The following NXPH1 variants were observed in gnomAD, a reference collection of about 807,000 sequenced individuals.
NXPH1 encodes the protein neurexophilin-1.
Under a neutral mutation model 23.7 loss-of-function variants are expected in NXPH1, and 5 were observed. The ratio of observed to expected loss-of-function variants is 0.21; its 90% CI spans 0.11 to 0.44. NXPH1 has a LOEUF of 0.44. Ranked by LOEUF, NXPH1 falls within the 20% of genes least tolerant of loss-of-function variation. The pLI, the probability that NXPH1 is intolerant of heterozygous loss-of-function variation, is 0.99. For synonymous variants in NXPH1, 144 were observed against 122.2 expected, an observed-to-expected ratio of 1.18 and a Z score of -1.18; for missense variants, 324 against 321.6, an observed-to-expected ratio of 1.01 and a Z score of -0.06.
At chr7:8,629,309 G>A (rs1374952545) in intron 2 of NXPH1, among the ~76,000 whole-genome samples, 1 of 152,100 alleles carries the variant, frequency 6.6e-6, no homozygotes, top group Non-Finnish European at 1.5e-5. Context: ...AATTATGGTG[G>A]ATGGACATTG....
chr7:8,543,967 A>G (rs922916054), intron 2 of NXPH1, among the ~76,000 whole-genome samples: 3 of 151,556 alleles, frequency 2.0e-5, no homozygotes, highest in African/African-American at 7.3e-5. Context: ...TCTGGAGGCA[A>G]TTGAGGGCAA....
chr7:8,678,928 ATTTTTTTTTTTTTTTTTTTT>A (rs540056222), intron 2 of NXPH1, among the ~76,000 whole-genome samples: 9 of 68,802 alleles, frequency 1.3e-4, no homozygotes, highest in Admixed American at 6.6e-4. Context: ...GCTTTATCCA[ATTTTTTTTTTTTTTTTTTTT>A]TTTTTTTTTT....
chr7:8,438,501 A>C (rs1214586685), intron 2 of NXPH1, among the ~76,000 whole-genome samples: 2 of 152,266 alleles, frequency 1.3e-5, no homozygotes, highest in Non-Finnish European at 2.9e-5. Flanking sequence ...AAGTGCCTGC[A>C]TCACTCTGTT....
At chr7:8,540,426 G>C (rs1232008255) in intron 2 of NXPH1, among the ~76,000 whole-genome samples, 3 of 151,810 alleles carry the variant, frequency 2.0e-5, no homozygotes, top group Non-Finnish European at 4.4e-5. Flanking sequence ...ATCCCTGAGA[G>C]TAGAAAAATA....
At chr7:8,588,495 C>T (rs1819024203) in intron 2 of NXPH1, among the ~76,000 whole-genome samples, 1 of 152,076 alleles carries the variant, frequency 6.6e-6, no homozygotes, top group Non-Finnish European at 1.5e-5. Flanking sequence ...TATTTTTGCA[C>T]ATTGGCCTTC....
At chr7:8,516,640 T>C (rs573768577) in intron 2 of NXPH1, among the ~76,000 whole-genome samples, 1 of 152,238 alleles carries the variant, frequency 6.6e-6, no homozygotes, top group Non-Finnish European at 1.5e-5. Context: ...AATGGGGGAA[T>C]TGCTTCATCT....
At chr7:8,564,175 CT>C (rs1818499570) in intron 2 of NXPH1, among the ~76,000 whole-genome samples, 1 of 151,780 alleles carries the variant, frequency 6.6e-6, no homozygotes, top group Non-Finnish European at 1.5e-5. Flanking sequence ...CATCCGCTTA[CT>C]CTGATGGGGC....
intron 2 of NXPH1, among the ~76,000 whole-genome samples, chr7:8,657,970 G>T (rs1820607984): frequency 6.6e-6 from 1 of 152,222 alleles, no homozygotes; most frequent in Non-Finnish European, 1.5e-5. Flanking sequence ...GGAAGTTGCA[G>T]TGAGCCGAGA....
intron 2 of NXPH1, among the ~76,000 whole-genome samples, chr7:8,508,931 A>G (rs374205187): frequency 1.3e-5 from 2 of 152,098 alleles, no homozygotes; most frequent in African/African-American, 4.8e-5. Context: ...GACTAGATCC[A>G]TGGCCAAAGA....
chr7:8,529,090 T>G lies in NXPH1; in HGVS notation c.54+93323T>G, dbSNP rs536441443. ...CCTTGACATATGACACCTGTCATCA[T>G]CAAGTTAACAGTGATGCATTTACTC... On this transcript the variant is annotated intron_variant, in intron 2 of 2. Coordinates refer to ENST00000405863, the MANE Select transcript of NXPH1 (RefSeq NM_152745.3). 2.0e-5 allele frequency among the ~76,000 whole-genome samples: 3 copies of G among 152,348 alleles called. No homozygotes were observed. The South Asian group carries it at 6.2e-4, about 32-fold the overall frequency.
At chr7:8,689,301 T>C (rs974487797) in intron 2 of NXPH1, among the ~76,000 whole-genome samples, 1 of 126,466 alleles carries the variant, frequency 7.9e-6, no homozygotes, top group African/African-American at 2.9e-5. Context: ...ACATGCTACA[T>C]TCTATGCAGA....
intron 2 of NXPH1, among the ~76,000 whole-genome samples, chr7:8,509,860 T>C (rs146591423): frequency 9.2e-5 from 14 of 152,260 alleles, no homozygotes; most frequent in Admixed American, 4.6e-4. Context: ...GGCAACAACA[T>C]TTTTTCATGT....
chr7:8,592,695 CT>C (rs952250887), intron 2 of NXPH1, among the ~76,000 whole-genome samples: 1 of 151,934 alleles, frequency 6.6e-6, no homozygotes, highest in Non-Finnish European at 1.5e-5. Context: ...AACTATTTAA[CT>C]TTGCTGTTTT....
chr7:8,587,635 A>AG (rs1819005965), intron 2 of NXPH1, among the ~76,000 whole-genome samples: 1 of 152,022 alleles, frequency 6.6e-6, no homozygotes, highest in African/African-American at 2.4e-5. Flanking sequence ...TCCCTCCCCT[A>AG]GCCCCCAACC....
intron 2 of NXPH1, among the ~76,000 whole-genome samples, chr7:8,653,595 A>G (rs947890987): frequency 6.6e-6 from 1 of 152,182 alleles, no homozygotes; most frequent in African/African-American, 2.4e-5. Flanking sequence ...CAATTATGGT[A>G]ATGGCAGGAT....
chr7:8,550,200 C>T (rs1442037100), intron 2 of NXPH1, among the ~76,000 whole-genome samples: 3 of 151,520 alleles, frequency 2.0e-5, no homozygotes, highest in African/African-American at 7.3e-5. Context: ...AATGTGTCTG[C>T]CTAGTGACAG....
At chr7:8,497,033 C>A (rs1428904159) in intron 2 of NXPH1, among the ~76,000 whole-genome samples, 1 of 152,000 alleles carries the variant, frequency 6.6e-6, no homozygotes, top group East Asian at 1.9e-4. Context: ...CATGACAGGC[C>A]CTGGTGTGTG....
intron 2 of NXPH1, among the ~76,000 whole-genome samples, chr7:8,505,751 T>A (rs1271061692): frequency 6.6e-6 from 1 of 152,136 alleles, no homozygotes; most frequent in Non-Finnish European, 1.5e-5. Flanking sequence ...ATAACTATGT[T>A]AGGCACATGA....
chr7:8,507,441 A>C (rs1236376043), intron 2 of NXPH1, among the ~76,000 whole-genome samples: 2 of 149,494 alleles, frequency 1.3e-5, no homozygotes, highest in Non-Finnish European at 2.9e-5. Flanking sequence ...AGCTGTAATG[A>C]GCTATACTAT....
Sources: gnomAD v4.1 joint callset for allele counts (sites outside exome capture counted in the v4.1 genomes callset) on GRCh38, gnomAD v4.1.1 for gene constraint, MANE v1.5 for transcripts, NCBI Gene and HGNC (gene_info 2026-07-23, HGNC 2026-07-21) for gene names.